TBXAS1: variants seen among roughly 807,000 people sequenced by gnomAD.
TBXAS1 encodes thromboxane-A synthase.
TBXAS1 carries 48 observed loss-of-function variants against 60.7 expected under a neutral mutation model. The ratio of observed to expected loss-of-function variants is 0.79; its 90% CI spans 0.63 to 1.01. The LOEUF is 1.01. Among genes scored for constraint, TBXAS1 ranks in the 50% least tolerant of loss-of-function variants. The pLI, the probability that TBXAS1 is intolerant of heterozygous loss-of-function variation, is 0.00. For synonymous variants in TBXAS1, 287 were observed against 269.7 expected, an observed-to-expected ratio of 1.06 and a Z score of -0.63; for missense variants, 685 against 686.3, an observed-to-expected ratio of 1.00 and a Z score of 0.02.
chr7:139,880,651 C>G (rs1802625669), intron 3 of TBXAS1, among the ~76,000 whole-genome samples: 1 of 152,180 alleles, frequency 6.6e-6, no homozygotes, highest in South Asian at 2.1e-4. Flanking sequence ...TTGCTTCATT[C>G]ATTCTTGTTA....
At chr7:139,900,016 T>C (rs961901602) in intron 3 of TBXAS1, among the ~76,000 whole-genome samples, 3 of 152,200 alleles carry the variant, frequency 2.0e-5, no homozygotes, top group Admixed American at 6.5e-5. Flanking sequence ...GAGAATTACA[T>C]GAGGAAATAC....
At chr7:139,835,631 T>G (rs540048130) in intron 1 of TBXAS1, among the ~76,000 whole-genome samples, 1 of 152,168 alleles carries the variant, frequency 6.6e-6, no homozygotes, top group South Asian at 2.1e-4. Flanking sequence ...CATACCTTAA[T>G]GTAATAAAAG....
chr7:139,794,768 G>T (rs1797502989), intron 4 of TBXAS1, among the ~76,000 whole-genome samples: 1 of 148,198 alleles, frequency 6.7e-6, no homozygotes, highest in East Asian at 2.0e-4. Flanking sequence ...TGCGGTGTTT[G>T]GTTTTTTGTT....
chr7:139,905,513 T>A (rs939557807), intron 3 of TBXAS1, among the ~76,000 whole-genome samples: 1 of 152,234 alleles, frequency 6.6e-6, no homozygotes, highest in Non-Finnish European at 1.5e-5. Context: ...TTGGATTTGG[T>A]TAGCTAGTAT....
chr7:140,008,075 C>T (rs1814232970), intron 10 of TBXAS1, among the ~76,000 whole-genome samples: 2 of 152,218 alleles, frequency 1.3e-5, no homozygotes, highest in Non-Finnish European at 2.9e-5. Context: ...ATAAATTCCA[C>T]TCAACACTTT....
intron 4 of TBXAS1, among the ~76,000 whole-genome samples, chr7:139,915,148 G>GTA (rs1391211109): frequency 6.6e-6 from 1 of 152,242 alleles, no homozygotes; most frequent in East Asian, 1.9e-4. Flanking sequence ...CATATCGATG[G>GTA]TAAAACAACC....
At chr7:139,840,093 T>A (rs1425968454) in intron 1 of TBXAS1, among the ~76,000 whole-genome samples, 9 of 152,194 alleles carry the variant, frequency 5.9e-5, no homozygotes, top group Admixed American at 5.9e-4. Flanking sequence ...TTATTAAGAT[T>A]TAAGACTATC....
At chr7:139,875,466 A>C (rs2116833630) in intron 2 of TBXAS1, 119 bp from the exon 3 acceptor site, 1 of 862,260 alleles carries the variant, frequency 1.2e-6, no homozygotes, top group South Asian at 1.5e-5. Context: ...TATAACTTCC[A>C]TTCTTTTTTA....
chr7:139,933,847 C>CAG (rs879815132), intron 4 of TBXAS1, among the ~76,000 whole-genome samples: 7,065 of 152,186 alleles, frequency 0.046, 310 homozygotes, highest in African/African-American at 0.11. Context: ...AACCGCCTGT[C>CAG]TCCCCACACC....
At chr7:139,901,865 C>G (rs967555253) in intron 3 of TBXAS1, among the ~76,000 whole-genome samples, 1 of 151,946 alleles carries the variant, frequency 6.6e-6, no homozygotes, top group Non-Finnish European at 1.5e-5. Flanking sequence ...CCCAGGCCTG[C>G]TAGATTAGTC....
intron 3 of TBXAS1, among the ~76,000 whole-genome samples, chr7:139,785,490 T>TTG (rs1554462813): frequency 1.7e-3 from 222 of 127,810 alleles, no homozygotes; most frequent in African/African-American, 6.3e-3. Context: ...TGTTGTTGTT[T>TTG]TTTGTGTGAT....
At chr7:139,811,908 C>T (rs966612018) in intron 4 of TBXAS1, among the ~76,000 whole-genome samples, 1 of 152,212 alleles carries the variant, frequency 6.6e-6, no homozygotes, top group African/African-American at 2.4e-5. Context: ...TGTACCCTTT[C>T]GAGCAATTGC....
At chr7:139,832,428 AT>A (rs1798772421) in intron 1 of TBXAS1, among the ~76,000 whole-genome samples, 1 of 152,224 alleles carries the variant, frequency 6.6e-6, no homozygotes, top group East Asian at 1.9e-4. Flanking sequence ...AAATAAAAAA[AT>A]ATGAACAAAG....
At chr7:139,949,542 G>A (rs1307662106) in intron 5 of TBXAS1, among the ~76,000 whole-genome samples, 2 of 152,210 alleles carry the variant, frequency 1.3e-5, no homozygotes, top group Admixed American at 6.5e-5. Context: ...GAGACTTCTT[G>A]GAAGTTGGGG....
chr7:139,789,101 G>C (rs1231177700), intron 4 of TBXAS1, among the ~76,000 whole-genome samples: 1 of 152,172 alleles, frequency 6.6e-6, no homozygotes, highest in Admixed American at 6.5e-5. Flanking sequence ...GTGTGATGGG[G>C]TGTCATTCTC....
intron 4 of TBXAS1, among the ~76,000 whole-genome samples, chr7:139,911,845 T>G (rs181024328): frequency 1.3e-5 from 2 of 152,236 alleles, no homozygotes; most frequent in Non-Finnish European, 2.9e-5. Context: ...CCAGCCTACA[T>G]GCATGTACAT....
At chr7:140,006,413 C>G (rs1290814687) in intron 9 of TBXAS1, among the ~76,000 whole-genome samples, 4 of 152,166 alleles carry the variant, frequency 2.6e-5, no homozygotes, top group Non-Finnish European at 5.9e-5. Context: ...CCCCTGAAAT[C>G]TAATCAGCAT....
chr7:140,007,285 T>C (rs1814163710), intron 10 of TBXAS1, 103 bp downstream of exon 10: 5 of 1,066,792 alleles, frequency 4.7e-6, no homozygotes, highest in African/African-American at 1.6e-5. Context: ...CCACTTGTGT[T>C]TCTGGAGGGC....
intron 4 of TBXAS1, among the ~76,000 whole-genome samples, chr7:139,928,212 T>C (rs1170647315): frequency 6.6e-6 from 1 of 152,250 alleles, no homozygotes; most frequent in Non-Finnish European, 1.5e-5. Flanking sequence ...TGTCAGTTTT[T>C]ATCAATTTTC....
Sources: gnomAD v4.1 joint callset for allele counts (sites outside exome capture counted in the v4.1 genomes callset) on GRCh38, gnomAD v4.1.1 for gene constraint, MANE v1.5 for transcripts, NCBI Gene and HGNC (gene_info 2026-07-23, HGNC 2026-07-21) for gene names.